The following NALF1 variants were observed in gnomAD, a reference collection of about 807,000 sequenced individuals.
NALF1 encodes the protein family with sequence similarity 155 member A.
NALF1 carries 3 observed loss-of-function variants against 48.4 expected under a neutral mutation model. The observed-to-expected ratio is 0.06, with a 90% CI of 0.03 to 0.16. The LOEUF is 0.16. Among genes scored for constraint, NALF1 ranks in the 10% least tolerant of loss-of-function variants. The pLI is 1.00. For missense variants in NALF1, 526 were observed against 571.5 expected, an observed-to-expected ratio of 0.92 and a Z score of 0.81; for synonymous variants, 262 against 245.7, an observed-to-expected ratio of 1.07 and a Z score of -0.62.
At chr13:107,230,111 C>G (rs941819493) in intron 1 of NALF1, among the ~76,000 whole-genome samples, 3 of 152,170 alleles carry the variant, frequency 2.0e-5, no homozygotes, top group Admixed American at 2.0e-4. Flanking sequence ...TCGGCCTCCT[C>G]TCTTTATGGA....
chr13:107,472,774 T>A (rs145272696), intron 1 of NALF1, among the ~76,000 whole-genome samples: 2,298 of 152,264 alleles, frequency 0.015, 55 homozygotes, highest in African/African-American at 0.051. Flanking sequence ...GTTTTGGGAC[T>A]GGGACTGGCT....
chr13:107,579,807 A>G (rs1484572968), intron 1 of NALF1, among the ~76,000 whole-genome samples: 2 of 152,018 alleles, frequency 1.3e-5, no homozygotes, highest in Non-Finnish European at 2.9e-5. Flanking sequence ...ATATCTCCCA[A>G]TACTATCCCT....
intron 1 of NALF1, among the ~76,000 whole-genome samples, chr13:107,286,399 T>C (rs1180314684): frequency 6.6e-6 from 1 of 151,900 alleles, no homozygotes; most frequent in Non-Finnish European, 1.5e-5. Context: ...TTTGGGAGGC[T>C]GAGGGAGCAG....
At chr13:107,618,466 T>A (rs949363645) in intron 1 of NALF1, among the ~76,000 whole-genome samples, 3 of 152,168 alleles carry the variant, frequency 2.0e-5, no homozygotes, top group African/African-American at 7.2e-5. Context: ...CTTATCCTAA[T>A]TTTTACCTTA....
chr13:107,241,358 T>C (rs1880467757), intron 1 of NALF1, among the ~76,000 whole-genome samples: 1 of 152,134 alleles, frequency 6.6e-6, no homozygotes, highest in Admixed American at 6.5e-5. Context: ...AGTGATGTGA[T>C]CTCTAGCAGA....
chr13:107,486,901 TACAAAGACTTC>T (rs1566362097), intron 1 of NALF1, among the ~76,000 whole-genome samples: 1 of 152,210 alleles, frequency 6.6e-6, no homozygotes, highest in African/African-American at 2.4e-5. Context: ...ATATATTCCA[TACAAAGACTTC>T]ACTAAGAGTC....
Position 107,253,602 on chromosome 13 carries a change from A to G in NALF1, c.916-42847T>C, listed in dbSNP as rs144488821. On this transcript the variant is annotated intron_variant, in intron 1 of 2. Coordinates refer to ENST00000375915, the MANE Select transcript of NALF1 (RefSeq NM_001080396.3). ...AAAGATTAATTCTATAGCAAGGCCT[A>G]TAACAAGCTGGGCTTATTCAGCACC... Among the ~76,000 whole-genome samples the G allele has an allele frequency of 4.0e-3, 604 of 152,334 alleles. 3 individuals carry two copies. Among genetic ancestry groups the G allele is most frequent in the Admixed American group, 8.2e-3 (125 of 15,300 alleles).
At chr13:107,551,060 A>T (rs1877278356) in intron 1 of NALF1, among the ~76,000 whole-genome samples, 1 of 151,546 alleles carries the variant, frequency 6.6e-6, no homozygotes, top group South Asian at 2.1e-4. Context: ...GTCCTTTCTC[A>T]CTTCTACCTT....
chr13:107,312,052 C>T (rs1435059826), intron 1 of NALF1, among the ~76,000 whole-genome samples: 2 of 152,144 alleles, frequency 1.3e-5, no homozygotes, highest in Non-Finnish European at 2.9e-5. Context: ...TACCATTTGA[C>T]CCAGCCATCC....
intron 1 of NALF1, among the ~76,000 whole-genome samples, chr13:107,475,677 G>C (rs1885167174): frequency 6.6e-6 from 1 of 152,058 alleles, no homozygotes; most frequent in East Asian, 1.9e-4. Flanking sequence ...AATAAAACTA[G>C]GCATAATTAT....
chr13:107,459,549 G>T (rs1884883043), intron 1 of NALF1, among the ~76,000 whole-genome samples: 1 of 152,178 alleles, frequency 6.6e-6, no homozygotes, highest in South Asian at 2.1e-4. Flanking sequence ...ATATTGTCCT[G>T]CAGTATTTTT....
At chr13:107,410,054 A>T (rs1174295297) in intron 1 of NALF1, among the ~76,000 whole-genome samples, 2 of 152,228 alleles carry the variant, frequency 1.3e-5, no homozygotes, top group Admixed American at 6.5e-5. Flanking sequence ...GCTCTCAAGG[A>T]TGGAGTTTTA....
intron 1 of NALF1, among the ~76,000 whole-genome samples, chr13:107,526,187 A>G (rs973104671): frequency 2.6e-5 from 4 of 152,018 alleles, no homozygotes; most frequent in African/African-American, 4.8e-5. Context: ...AAGAGCTACT[A>G]CTTCTCCATC....
chr13:107,495,534 T>G (rs1875301709), intron 1 of NALF1, among the ~76,000 whole-genome samples: 1 of 152,152 alleles, frequency 6.6e-6, no homozygotes, highest in Admixed American at 6.5e-5. Flanking sequence ...GCCAAACCCC[T>G]CCCTGGAAAA....
intron 1 of NALF1, among the ~76,000 whole-genome samples, chr13:107,442,840 G>A (rs1050301007): frequency 2.0e-5 from 3 of 152,128 alleles, no homozygotes; most frequent in Admixed American, 6.5e-5. Flanking sequence ...TGATATAATG[G>A]TTAAAGTTTT....
intron 1 of NALF1, among the ~76,000 whole-genome samples, chr13:107,570,311 A>G (rs1877948015): frequency 6.6e-6 from 1 of 152,080 alleles, no homozygotes; most frequent in African/African-American, 2.4e-5. Context: ...ATAAAGTATG[A>G]TCGTAGATAC....
chr13:107,613,054 G>A (rs1214958061), intron 1 of NALF1, among the ~76,000 whole-genome samples: 3 of 151,870 alleles, frequency 2.0e-5, no homozygotes, highest in Non-Finnish European at 4.4e-5. Flanking sequence ...TCCCCTGGAG[G>A]AAGGGAGCAG....
chr13:107,444,525 C>A (rs992041325), intron 1 of NALF1, among the ~76,000 whole-genome samples: 2 of 152,112 alleles, frequency 1.3e-5, no homozygotes, highest in Non-Finnish European at 2.9e-5. Context: ...TGCAAAAAAT[C>A]TGTTAATAAC....
At chr13:107,261,734 G>A (rs1305758392) in intron 1 of NALF1, among the ~76,000 whole-genome samples, 1 of 152,146 alleles carries the variant, frequency 6.6e-6, no homozygotes, top group Non-Finnish European at 1.5e-5. Flanking sequence ...ACAGAGAACA[G>A]GGGCAGTAGC....
Sources: gnomAD v4.1 joint callset for allele counts (sites outside exome capture counted in the v4.1 genomes callset) on GRCh38, gnomAD v4.1.1 for gene constraint, MANE v1.5 for transcripts, NCBI Gene and HGNC (gene_info 2026-07-23, HGNC 2026-07-21) for gene names.